The following DOCK2 variants were observed in gnomAD, a reference collection of about 807,000 sequenced individuals.
The protein encoded by DOCK2 is dedicator of cytokinesis 2.
A neutral mutation model predicts 248.9 loss-of-function variants in DOCK2; 87 were observed. The ratio of observed to expected loss-of-function variants is 0.35; its 90% CI spans 0.29 to 0.42. The LOEUF (loss-of-function observed/expected upper bound fraction) is 0.42. Ranked by LOEUF, DOCK2 falls within the 10% of genes least tolerant of loss-of-function variation. The pLI is 1.00. For missense variants in DOCK2, 1,747 were observed against 2,300.2 expected (o/e 0.76, Z 4.92); for synonymous variants, 805 against 821.6 (o/e 0.98, Z 0.35).
At chr5:169,670,511 ATTTTG>A (rs72367961) in intron 3 of DOCK2, 26 bp from the exon 4 acceptor site, 25 of 1,605,116 alleles carry the variant, frequency 1.6e-5, no homozygotes, top group Middle Eastern at 3.3e-4. Context: ...TTTTTATTTT[ATTTTG>A]TTTTGTTTTG....
At chr5:169,663,984 A>C (rs1758587069) in intron 2 of DOCK2, among the ~76,000 whole-genome samples, 1 of 152,210 alleles carries the variant, frequency 6.6e-6, no homozygotes, top group Admixed American at 6.5e-5. Flanking sequence ...AAATTTTCCA[A>C]ACTTTTACTC....
intron 49 of DOCK2, chr5:170,079,910 C>G (rs1369893051): frequency 1.7e-5 from 8 of 469,718 alleles, no homozygotes; most frequent in East Asian, 1.0e-4. Context: ...TTTGTCGATT[C>G]TAGGGGACAC....
At chr5:169,773,938 C>A (rs1581169297) in intron 25 of DOCK2, among the ~76,000 whole-genome samples, 1 of 152,182 alleles carries the variant, frequency 6.6e-6, no homozygotes, top group Non-Finnish European at 1.5e-5. Context: ...GTAAGACGTG[C>A]CTTTTGCCCC....
intron 2 of DOCK2, among the ~76,000 whole-genome samples, chr5:169,660,615 A>G (rs966862477): frequency 6.6e-6 from 1 of 152,224 alleles, no homozygotes; most frequent in Non-Finnish European, 1.5e-5. Context: ...AGGGCACACC[A>G]AGAGCCATAG....
Position 170,008,725 on chromosome 5 carries a change from C to T in DOCK2, c.3211C>T (p.Arg1071Cys), listed in dbSNP as rs764907652. The T allele has an allele frequency of 3.7e-5, 60 of 1,613,882 alleles. No homozygotes were observed. The highest frequency in any genetic ancestry group is 4.8e-5 in the Non-Finnish European group (57 of 1,179,974). ...DMRRLIGFSI[R>C]DMWYKLGQNK... The stretch of plus-strand genomic sequence containing the variant: ...GAGACGGCTAATTGGCTTCTCCATC[C>T]GTGATATGTGGTACAAGCTTGGTGA... Residue 1071 changes from arginine (R) to cysteine (C), a missense_variant, in exon 32 of 52, where the codon CGT (arginine) becomes TGT (cysteine). Transcript: ENST00000520908.
chr5:169,933,780 G>T (rs1205009166), intron 27 of DOCK2, among the ~76,000 whole-genome samples: 1 of 152,066 alleles, frequency 6.6e-6, no homozygotes, highest in Non-Finnish European at 1.5e-5. Context: ...TTCCCTTCTT[G>T]GATTTCTTTC....
intron 32 of DOCK2, among the ~76,000 whole-genome samples, 184 bp downstream of exon 32, chr5:170,008,930 C>A (rs1755171909): frequency 6.6e-6 from 1 of 151,954 alleles, no homozygotes; most frequent in Non-Finnish European, 1.5e-5. Flanking sequence ...TTCCCCATAC[C>A]CACTTCTACC....
intron 27 of DOCK2, among the ~76,000 whole-genome samples, chr5:169,859,543 G>A (rs1412098541): frequency 6.6e-6 from 1 of 152,220 alleles, no homozygotes; most frequent in African/African-American, 2.4e-5. Context: ...TTAGCATACA[G>A]CAAGTTGCCT....
intron 49 of DOCK2, 190 bp from the exon 50 acceptor site, chr5:170,079,973 A>T: frequency 2.4e-6 from 2 of 835,748 alleles, no homozygotes; most frequent in South Asian, 2.2e-5. Flanking sequence ...GTAGTTGTGT[A>T]GTGTGCAACC....
chr5:169,744,517 G>A (rs1763497056), intron 22 of DOCK2, among the ~76,000 whole-genome samples: 1 of 151,948 alleles, frequency 6.6e-6, no homozygotes, highest in African/African-American at 2.4e-5. Context: ...GCCAAGTTCT[G>A]ACTAGTGAGG....
chr5:169,984,170 C>G (rs1317237191), intron 28 of DOCK2, among the ~76,000 whole-genome samples: 1 of 152,108 alleles, frequency 6.6e-6, no homozygotes, highest in Non-Finnish European at 1.5e-5. Flanking sequence ...TGCTCAAGGT[C>G]CCGTAGCTAG....
Position 169,674,320 on chromosome 5 carries a change from C to T in DOCK2, c.345C>T (p.Leu115=), listed in dbSNP as rs1759207659. ...LYVASKKERF[L]QVQSMMYDLM... is the part of the protein sequence containing the mutation. ...AGGCCAGCAAAAAGGAGCGTTTTCT[C>T]CAGGTGCAGTCCATGATGTACGATC... The change falls in exon 6 of 52, where the codon CTC becomes CTT. Residue 115 remains leucine (L), a synonymous_variant. Transcript: ENST00000520908. The T allele has an allele frequency of 6.2e-7, 1 of 1,613,948 alleles. No individual in the cohort carries two copies. Among genetic ancestry groups the T allele is most frequent in the Non-Finnish European group, 8.5e-7 (1 of 1,179,982 alleles).
Position 169,714,421 on chromosome 5 carries a change from A to G in DOCK2, c.1905A>G (p.Glu635=), listed in dbSNP as rs774876608. 3.1e-6 allele frequency: 5 copies of G among 1,613,954 alleles called. No individual in the cohort carries two copies. The highest frequency in any genetic ancestry group is 1.1e-5 in the South Asian group (1 of 91,088). ...MKPQLLQENL[E]KLKIVDGEEV... is the part of the protein sequence containing the mutation. ...CTCAACTGCTACAGGAGAATTTAGA[A>G]AAGTTGAAGATTGTGGATGGAGAGG... Residue 635 remains glutamate, a synonymous_variant, in exon 19 of 52, where the codon GAA becomes GAG. Transcript: ENST00000520908.
chr5:169,801,334 A>G (rs186981424), intron 25 of DOCK2, among the ~76,000 whole-genome samples: 3 of 151,990 alleles, frequency 2.0e-5, no homozygotes, highest in East Asian at 3.9e-4. Context: ...GCTTAAGAGC[A>G]CAGTCTCTGC....
intron 25 of DOCK2, among the ~76,000 whole-genome samples, chr5:169,785,219 C>T (rs923307304): frequency 7.9e-5 from 12 of 152,126 alleles, no homozygotes; most frequent in South Asian, 2.1e-4. Context: ...TTATATTTTA[C>T]GTTATAAACA....
chr5:169,932,307 C>T (rs1476885011), intron 27 of DOCK2, among the ~76,000 whole-genome samples: 1 of 152,014 alleles, frequency 6.6e-6, no homozygotes, highest in African/African-American at 2.4e-5. Context: ...GAAGGGACTG[C>T]ATGGAGTGGG....
intron 6 of DOCK2, among the ~76,000 whole-genome samples, chr5:169,680,888 A>G (rs1759620953): frequency 6.6e-6 from 1 of 152,068 alleles, no homozygotes; most frequent in African/African-American, 2.4e-5. Flanking sequence ...TTATACATGA[A>G]CCCAGATAAC....
chr5:169,928,834 C>T (rs377669202), intron 27 of DOCK2, among the ~76,000 whole-genome samples: 1 of 152,208 alleles, frequency 6.6e-6, no homozygotes, highest in African/African-American at 2.4e-5. Flanking sequence ...CAAGTAATTA[C>T]TCAGTGATGA....
At chr5:169,672,423 T>A (rs1379791410) in intron 5 of DOCK2, among the ~76,000 whole-genome samples, 1 of 152,204 alleles carries the variant, frequency 6.6e-6, no homozygotes, top group African/African-American at 2.4e-5. Context: ...TCCTTCAACA[T>A]CTAGTACTTC....
Sources: gnomAD v4.1 joint callset for allele counts (sites outside exome capture counted in the v4.1 genomes callset) on GRCh38, gnomAD v4.1.1 for gene constraint, MANE v1.5 for transcripts, NCBI Gene and HGNC (gene_info 2026-07-23, HGNC 2026-07-21) for gene names.